The following SNTG2 variants were observed in gnomAD, a reference collection of about 807,000 sequenced individuals.
SNTG2 encodes gamma-2-syntrophin.
A neutral mutation model predicts 70.9 loss-of-function variants in SNTG2; 74 were observed. The observed-to-expected ratio is 1.04, with a 90% confidence interval of 0.86 to 1.27. The LOEUF (loss-of-function observed/expected upper bound fraction) is 1.27, where lower values mean the gene tolerates loss of function less well. SNTG2 is among the 50% of genes most tolerant of loss of function. The probability of loss-of-function intolerance (pLI) is 0.00; values close to 1 mark genes in which losing one functional copy is unlikely to be tolerated. For synonymous variants in SNTG2, 278 were observed against 273.8 expected, an observed-to-expected ratio of 1.02 and a Z score of -0.15; for missense variants, 717 against 690.7, an observed-to-expected ratio of 1.04 and a Z score of -0.43.
At chr2:1,008,227 TAAAC>T (rs140044372) in intron 1 of SNTG2, among the ~76,000 whole-genome samples, 1,649 of 152,358 alleles carry the variant, frequency 0.011, 35 homozygotes, top group African/African-American at 0.036. Flanking sequence ...TGTGTTTCTG[TAAAC>T]AAACTTAATT....
At chr2:985,554 C>A (rs1661278264) in intron 1 of SNTG2, among the ~76,000 whole-genome samples, 1 of 152,120 alleles carries the variant, frequency 6.6e-6, no homozygotes, top group African/African-American at 2.4e-5. Flanking sequence ...ATCCTCAAAC[C>A]AAGGCCATTT....
At chr2:1,118,202 C>T (rs1030203099) in intron 4 of SNTG2, among the ~76,000 whole-genome samples, 1 of 152,026 alleles carries the variant, frequency 6.6e-6, no homozygotes, top group Admixed American at 6.5e-5. Context: ...GCCCTGTGCA[C>T]CTGTGCCCTG....
At chr2:1,034,550 G>A (rs1661026446) in intron 1 of SNTG2, among the ~76,000 whole-genome samples, 3 of 152,126 alleles carry the variant, frequency 2.0e-5, no homozygotes, top group Admixed American at 6.6e-5. Context: ...TTCCACAATG[G>A]TTGAACTAAT....
At position 1,367,528 on chromosome 2, in the gene SNTG2, C is replaced by G; in HGVS notation, c.*54C>G. 6.5e-7 allele frequency: 1 copy of G among 1,537,040 alleles called. No homozygotes were observed. The highest frequency in any genetic ancestry group is 8.8e-7 in the Non-Finnish European group (1 of 1,138,162). On this transcript the variant is annotated 3_prime_UTR_variant, in exon 17 of 17. Transcript: ENST00000308624. ...TAAATTATTTTCGTAAGAAATGATT[C>G]TTTCCTGCAGAATATTGCAACTTTG...
chr2:972,125 G>A (rs1040201080), intron 1 of SNTG2, among the ~76,000 whole-genome samples: 3 of 152,104 alleles, frequency 2.0e-5, no homozygotes, highest in Non-Finnish European at 4.4e-5. Context: ...TTGTTTGGGG[G>A]TATAGAGCTC....
At chr2:1,351,243 C>T (rs1482086681) in intron 16 of SNTG2, among the ~76,000 whole-genome samples, 2 of 151,972 alleles carry the variant, frequency 1.3e-5, no homozygotes, top group Non-Finnish European at 2.9e-5. Flanking sequence ...AGCAGGGATT[C>T]ATCTTTAAAA....
chr2:1,294,202 C>T (rs4575767), intron 14 of SNTG2, among the ~76,000 whole-genome samples: 98,519 of 151,964 alleles, frequency 0.65, 32,078 homozygotes, highest in East Asian at 0.7. Context: ...CATGGGGACA[C>T]TGGGGACAGA....
intron 1 of SNTG2, among the ~76,000 whole-genome samples, chr2:1,003,607 C>A (rs1659476223): frequency 6.6e-6 from 1 of 152,278 alleles, no homozygotes; most frequent in East Asian, 1.9e-4. Flanking sequence ...TTCTGTCTTA[C>A]CTTGGGTGCA....
chr2:1,038,866 T>G (rs912453389), intron 1 of SNTG2, among the ~76,000 whole-genome samples: 6 of 152,338 alleles, frequency 3.9e-5, no homozygotes, highest in Admixed American at 3.9e-4. Flanking sequence ...TTGGGAAGAT[T>G]TAGATCCACT....
At position 1,137,635 on chromosome 2, in the gene SNTG2, G is replaced by T. The variant is rs750524735; in HGVS notation, c.339G>T (p.Gly113=). ...IFEDQAADQT[G]MLFVGDAVLQ... ...GCCACCCTGCAGCTGACCAGACAGG[G>T]ATGTTGTTCGTAGGAGATGCTGTTC... is the stretch of plus-strand genomic sequence containing the variant. The change falls in exon 5 of 17, where the codon GGG becomes GGT. Residue 113 remains glycine (G), a synonymous_variant. Transcript: ENST00000308624. The T allele has an allele frequency of 6.2e-7, 1 of 1,613,082 alleles. No homozygotes were observed. The highest frequency in any genetic ancestry group is 8.5e-7 in the Non-Finnish European group (1 of 1,179,652).
intron 14 of SNTG2, among the ~76,000 whole-genome samples, chr2:1,270,732 T>A (rs1678976371): frequency 1.3e-5 from 2 of 152,244 alleles, no homozygotes; most frequent in Non-Finnish European, 2.9e-5. Flanking sequence ...ACTGCTGGAT[T>A]TCTTTTCTCC....
At chr2:1,024,349 T>C (rs185902726) in intron 1 of SNTG2, among the ~76,000 whole-genome samples, 37 of 152,344 alleles carry the variant, frequency 2.4e-4, no homozygotes, top group Non-Finnish European at 4.6e-4. Context: ...AATTATACTT[T>C]AAATATATTC....
At chr2:1,280,943 C>T (rs536585471) in intron 14 of SNTG2, among the ~76,000 whole-genome samples, 9 of 152,310 alleles carry the variant, frequency 5.9e-5, no homozygotes, top group African/African-American at 1.7e-4. Flanking sequence ...CTGCTGTGCA[C>T]GTGGACACGT....
At chr2:1,331,603 C>A (rs527551554) in intron 16 of SNTG2, among the ~76,000 whole-genome samples, 1 of 152,288 alleles carries the variant, frequency 6.6e-6, no homozygotes, top group African/African-American at 2.4e-5. Flanking sequence ...AATGGAATCC[C>A]AGTTCTTGAC....
At chr2:1,157,312 C>T (rs1669965909) in intron 6 of SNTG2, among the ~76,000 whole-genome samples, 1 of 152,222 alleles carries the variant, frequency 6.6e-6, no homozygotes, top group South Asian at 2.1e-4. Context: ...CCCAGAGGTG[C>T]AGCTGAAGTG....
chr2:1,064,091 C>A (rs1417183331), intron 1 of SNTG2, among the ~76,000 whole-genome samples: 1 of 149,478 alleles, frequency 6.7e-6, no homozygotes, highest in South Asian at 2.1e-4. Flanking sequence ...AGACAGCCAA[C>A]TTCTTAGAAA....
At chr2:1,090,160 CCTG>C (rs1428553340) in intron 2 of SNTG2, among the ~76,000 whole-genome samples, 6 of 152,192 alleles carry the variant, frequency 3.9e-5, no homozygotes. Context: ...GAAGATAAAA[CCTG>C]CTCCATGTAG....
At chr2:1,113,830 C>T (rs1666708454) in intron 4 of SNTG2, among the ~76,000 whole-genome samples, 2 of 148,828 alleles carry the variant, frequency 1.3e-5, no homozygotes, top group Non-Finnish European at 3.0e-5. Context: ...CCTTACAGTC[C>T]TTTGAGAAGG....
chr2:1,287,740 T>C (rs1417100063), intron 14 of SNTG2, among the ~76,000 whole-genome samples: 2 of 152,238 alleles, frequency 1.3e-5, no homozygotes, highest in Admixed American at 6.5e-5. Flanking sequence ...GCGTGACCTG[T>C]TGTTTTCACC....
Sources: gnomAD v4.1 joint callset for allele counts (sites outside exome capture counted in the v4.1 genomes callset) on GRCh38, gnomAD v4.1.1 for gene constraint, MANE v1.5 for transcripts, NCBI Gene and HGNC (gene_info 2026-07-23, HGNC 2026-07-21) for gene names.